The following CFAP61 variants were observed in gnomAD, a reference collection of about 807,000 sequenced individuals.
CFAP61 encodes cilia- and flagella-associated protein 61.
A neutral mutation model predicts 135.6 loss-of-function variants in CFAP61; 107 were observed. That is an observed-to-expected ratio of 0.79 (90% CI 0.67 to 0.93). The LOEUF (loss-of-function observed/expected upper bound fraction) is 0.93, where lower values mean the gene tolerates loss of function less well. CFAP61 is among the 40% of genes least tolerant of loss of function. CFAP61 has a pLI of 0.00. For missense variants in CFAP61, 1,507 were observed against 1,556.2 expected, an observed-to-expected ratio of 0.97 and a Z score of 0.53; for synonymous variants, 575 against 578.5, an observed-to-expected ratio of 0.99 and a Z score of 0.09.
At chr20:20,144,814 G>GA (rs2051734912) in intron 9 of CFAP61, among the ~76,000 whole-genome samples, 1 of 151,970 alleles carries the variant, frequency 6.6e-6, no homozygotes, top group African/African-American at 2.4e-5. Flanking sequence ...GAGAAACAAA[G>GA]ATATGAATAA....
At chr20:20,141,585 T>C (rs1452677739) in intron 8 of CFAP61, among the ~76,000 whole-genome samples, 1 of 152,228 alleles carries the variant, frequency 6.6e-6, no homozygotes, top group Non-Finnish European at 1.5e-5. Flanking sequence ...CCTTCAACAT[T>C]ATGTACCTCT....
chr20:20,280,959 C>T, intron 22 of CFAP61, among the ~76,000 whole-genome samples: 1 of 152,036 alleles, frequency 6.6e-6, no homozygotes, highest in Non-Finnish European at 1.5e-5. Context: ...GCTTTCCTGA[C>T]AATTAATTAT....
chr20:20,253,195 T>C (rs1006140020), intron 20 of CFAP61: 1 of 151,668 alleles, frequency 6.6e-6, no homozygotes, highest in Non-Finnish European at 1.5e-5. Context: ...CTTTTTTCCT[T>C]CCTTCCTTCC....
intron 8 of CFAP61, among the ~76,000 whole-genome samples, chr20:20,099,201 T>G (rs564342854): frequency 2.6e-5 from 4 of 152,060 alleles, no homozygotes; most frequent in African/African-American, 7.2e-5. Context: ...CTCAGGAAAT[T>G]TTTTATGCTT....
intron 25 of CFAP61, chr20:20,322,608 G>A: frequency 5.3e-6 from 4 of 753,928 alleles, no homozygotes; most frequent in Non-Finnish European, 6.5e-6. Flanking sequence ...GTATATATTT[G>A]CCGTGGTAAA....
chr20:20,284,289 ATTTTATTTTATTTTG>A (rs1415119566), intron 22 of CFAP61, among the ~76,000 whole-genome samples: 1,281 of 52,416 alleles, frequency 0.024, 17 homozygotes, highest in African/African-American at 0.041. Context: ...ATTTTATTTT[ATTTTATTTTATTTTG>A]AGATGGAGTC....
chr20:20,188,054 C>T lies in CFAP61; in HGVS notation c.1510C>T (p.Pro504Ser). The T allele has an allele frequency of 6.2e-7, 1 of 1,614,042 alleles. No individual in the cohort carries two copies. ...CCGTTACAACAAGGCTCGCAAAGAC[C>T]CTGTAAGTACCTGTTGTGACCAGAC... The part of the protein sequence containing the change: ...LDRYNKARKD[P>S]DGTLLQAFVA... Residue 504 changes from proline (P) to serine (S), a missense_variant and splice_region_variant, in exon 14 of 27, where the codon CCT becomes TCT. Transcript: ENST00000245957.
chr20:20,285,543 A>G (rs2054517799), intron 22 of CFAP61, among the ~76,000 whole-genome samples: 1 of 152,078 alleles, frequency 6.6e-6, no homozygotes, highest in South Asian at 2.1e-4. Flanking sequence ...ATATAACTTC[A>G]AGTTCACTGA....
At chr20:20,242,397 G>A (rs1601581849) in intron 18 of CFAP61, among the ~76,000 whole-genome samples, 1 of 152,186 alleles carries the variant, frequency 6.6e-6, no homozygotes, top group East Asian at 1.9e-4. Flanking sequence ...AATCCTGATG[G>A]GCAAACACGG....
intron 25 of CFAP61, among the ~76,000 whole-genome samples, chr20:20,308,160 G>T (rs2056589672): frequency 6.6e-6 from 1 of 152,148 alleles, no homozygotes; most frequent in Admixed American, 6.5e-5. Flanking sequence ...CATTGTTGTG[G>T]AAAGCTGTGT....
rs1247699237 is a variant in CFAP61, at chr20:20,281,519, C to T, written c.2796+4061C>T. Among the ~76,000 whole-genome samples the T allele has an allele frequency of 2.5e-4, 38 of 152,016 alleles. 1 individual carries two copies. Among genetic ancestry groups the T allele is most frequent in the Non-Finnish European group, 2.9e-5 (2 of 67,998 alleles). On this transcript the variant is annotated intron_variant, in intron 22 of 26. Coordinates refer to ENST00000245957, the MANE Select transcript of CFAP61 (RefSeq NM_015585.4). ...TCTTAAAAAGAAATATGGAAATTTTCTTCTTAATTCTTTAATACAGTGAAT... is the reference window on the plus strand; with the variant it reads ...TCTTAAAAAGAAATATGGAAATTTTTTTCTTAATTCTTTAATACAGTGAAT...
chr20:20,084,342 G>A (rs931766090), intron 6 of CFAP61, among the ~76,000 whole-genome samples: 5 of 152,194 alleles, frequency 3.3e-5, no homozygotes, highest in African/African-American at 9.7e-5. Context: ...CTCTGGATAT[G>A]GAGAATATCA....
At chr20:20,055,297 A>G (rs2146526838) in intron 1 of CFAP61, among the ~76,000 whole-genome samples, 1 of 152,348 alleles carries the variant, frequency 6.6e-6, no homozygotes, top group Admixed American at 6.5e-5. Context: ...TGTGTGGACT[A>G]GAATGCCATA....
Position 20,070,908 on chromosome 20 carries a change from C to G in CFAP61, c.198C>G (p.Ala66=). The G allele has an allele frequency of 1.2e-6, 2 of 1,614,064 alleles. No individual in the cohort carries two copies. The highest frequency in any genetic ancestry group is 1.7e-6 in the Non-Finnish European group (2 of 1,179,970). The change falls in exon 3 of 27, where the codon GCC becomes GCG. Residue 66 remains alanine, a synonymous_variant. Coordinates refer to ENST00000245957, the MANE Select transcript of CFAP61 (RefSeq NM_015585.4). ...TLCNDKEEIM[A]QATFLDYPNW... is the part of the protein sequence containing the mutation. ...GCAATGACAAGGAGGAGATCATGGCCCAGGCCACCTTCCTGGACTACCCCA... is the reference window on the plus strand; with the variant it reads ...GCAATGACAAGGAGGAGATCATGGCGCAGGCCACCTTCCTGGACTACCCCA...
chr20:20,120,935 A>G (rs979684938), intron 8 of CFAP61, among the ~76,000 whole-genome samples: 1 of 152,148 alleles, frequency 6.6e-6, no homozygotes, highest in Non-Finnish European at 1.5e-5. Flanking sequence ...TCTGATATTA[A>G]TATAGCTACT....
At chr20:20,053,248 C>CAA (rs58910538) in intron 1 of CFAP61, among the ~76,000 whole-genome samples, 21,491 of 152,066 alleles carry the variant, frequency 0.14, 1,658 homozygotes, top group East Asian at 0.22. Context: ...TTTTAATAGA[C>CAA]ATTTTTAGAG....
intron 22 of CFAP61, among the ~76,000 whole-genome samples, chr20:20,286,802 G>A (rs1039556599): frequency 1.3e-5 from 2 of 152,144 alleles, no homozygotes; most frequent in African/African-American, 4.8e-5. Flanking sequence ...CACCAAAAGT[G>A]TATAAGTAAA....
At chr20:20,230,847 C>T (rs955193958) in intron 18 of CFAP61, among the ~76,000 whole-genome samples, 1 of 152,150 alleles carries the variant, frequency 6.6e-6, no homozygotes, top group Non-Finnish European at 1.5e-5. Context: ...GGGGCCACAG[C>T]GCCCTGCTGC....
In CFAP61 at chr20:20,298,321, G is replaced by T. The variant is rs371692474; in HGVS notation, c.3357G>T (p.Gln1119His). 1 of 1,614,000 alleles carries T rather than the reference G, an allele frequency of 6.2e-7. No individual in the cohort carries two copies. The stretch of plus-strand genomic sequence containing the variant: ...CCAACTACATCCGCTTGTTTGGCCA[G>T]CACGAGCAACTCCTCAACAACCTGT... ...PASNYIRLFG[Q>H]HEQLLNNLCA... Residue 1119 changes from glutamine (Q) to histidine (H), a missense_variant, in exon 25 of 27, where the codon CAG becomes CAT. By Grantham distance (24) the Gln-to-His change is conservative. Coordinates refer to ENST00000245957, the MANE Select transcript of CFAP61 (RefSeq NM_015585.4).
Sources: allele counts gnomAD v4.1 joint callset (sites outside exome capture counted in the v4.1 genomes callset), GRCh38; gene constraint gnomAD v4.1.1; transcripts MANE v1.5; gene names NCBI Gene and HGNC (gene_info 2026-07-23, HGNC 2026-07-21).